The following PCYOX1L variants were observed in gnomAD, a reference collection of about 807,000 sequenced individuals.
PCYOX1L encodes prenylcysteine oxidase 1-like.
A neutral mutation model predicts 44.1 loss-of-function variants in PCYOX1L; 40 were observed. That is an observed-to-expected ratio of 0.91 (90% CI 0.70 to 1.18). The LOEUF is 1.18. Ranked by LOEUF, PCYOX1L falls within the 50% of genes most tolerant of loss-of-function variation. The probability of loss-of-function intolerance (pLI) is 0.00; values close to 1 mark genes in which losing one functional copy is unlikely to be tolerated. For synonymous variants in PCYOX1L, 266 were observed against 282.8 expected (o/e 0.94, Z 0.60); for missense variants, 605 against 653.3 (o/e 0.93, Z 0.81).
intron 3 of PCYOX1L, 37 bp downstream of exon 3, chr5:149,364,247 G>A: frequency 6.2e-7 from 1 of 1,610,376 alleles, no homozygotes. Flanking sequence ...GCGTTCCAGG[G>A]GAACCGAGAA....
At chr5:149,360,964 A>G (rs888731872) in intron 1 of PCYOX1L, among the ~76,000 whole-genome samples, 1 of 152,238 alleles carries the variant, frequency 6.6e-6, no homozygotes, top group Non-Finnish European at 1.5e-5. Flanking sequence ...CACCAGATTT[A>G]TTTAATTTTC....
At chr5:149,363,989 C>T in intron 2 of PCYOX1L, 47 bp from the exon 3 acceptor site, 2 of 1,599,160 alleles carry the variant, frequency 1.3e-6, no homozygotes, top group South Asian at 1.1e-5. Context: ...ATCAAGAGGG[C>T]CCCAAGTCTT....
At chr5:149,363,295 G>A (rs1174754837) in intron 2 of PCYOX1L, 1 of 353,708 alleles carries the variant, frequency 2.8e-6, no homozygotes, top group Admixed American at 3.8e-5. Context: ...AAACCCAGCA[G>A]CATCTGTCCA....
At position 149,368,707 on chromosome 5, in the gene PCYOX1L, C is replaced by T. The variant is rs1230151602; in HGVS notation, c.*53C>T. 4 of 1,473,780 alleles carry T rather than the reference C, an allele frequency of 2.7e-6. No individual in the cohort carries two copies. Among genetic ancestry groups the T allele is most frequent in the Non-Finnish European group, 1.8e-6 (2 of 1,111,068 alleles). 91.3% of individuals were successfully genotyped at this position (1,473,780 alleles called of 1,614,324 possible). A position where few individuals can be genotyped will look rare whatever the true frequency, so the allele number is the denominator to read the frequency against. On this transcript the variant is annotated 3_prime_UTR_variant, in exon 6 of 6. Coordinates refer to ENST00000274569, the MANE Select transcript of PCYOX1L (RefSeq NM_024028.4). The stretch of plus-strand genomic sequence containing the variant: ...CATCCCCCACTGAAGATGGATCATC[C>T]CACAGCAGCCCAGGACTGAATAAGC...
At position 149,368,973 on chromosome 5, in the gene PCYOX1L, C is replaced by G; in HGVS notation, c.*319C>G. ...TTCTTAGCTAGAAACCAGAAGACTA[C>G]GGGAGGGAATATAAGGCAGAGAACT... On this transcript the variant is annotated 3_prime_UTR_variant, in exon 6 of 6. Coordinates refer to ENST00000274569, the MANE Select transcript of PCYOX1L (RefSeq NM_024028.4). 4.5e-6 allele frequency: 1 copy of G among 222,522 alleles called. No homozygotes were observed. The highest frequency in any genetic ancestry group is 8.7e-6 in the Non-Finnish European group (1 of 114,928). 13.8% of individuals were successfully genotyped at this position (222,522 alleles called of 1,614,324 possible). A position where few individuals can be genotyped will look rare whatever the true frequency, so the allele number is the denominator to read the frequency against.
chr5:149,364,413 T>C, intron 3 of PCYOX1L: 1 of 580,426 alleles, frequency 1.7e-6, no homozygotes, highest in East Asian at 2.9e-5. Context: ...TATTGTCACA[T>C]TGACTCTCAT....
chr5:149,362,377 T>C, intron 1 of PCYOX1L: 1 of 504,754 alleles, frequency 2.0e-6, no homozygotes, highest in East Asian at 3.5e-5. Context: ...ACTTTCAGTA[T>C]TCTTTGCTGG....
intron 1 of PCYOX1L, among the ~76,000 whole-genome samples, chr5:149,358,574 C>G (rs1757919640): frequency 6.6e-6 from 1 of 152,084 alleles, no homozygotes; most frequent in Non-Finnish European, 1.5e-5. Context: ...CCTCACAGTA[C>G]AGGGAAGTCC....
intron 2 of PCYOX1L, chr5:149,363,367 C>T (rs1758077173): frequency 6.4e-6 from 2 of 313,042 alleles, no homozygotes; most frequent in Admixed American, 4.2e-5. Context: ...GGTGGTCTTA[C>T]AGATGTGCAA....
intron 5 of PCYOX1L, among the ~76,000 whole-genome samples, 162 bp from the exon 6 acceptor site, chr5:149,367,831 T>C (rs900953971): frequency 6.6e-5 from 10 of 152,168 alleles, no homozygotes; most frequent in Non-Finnish European, 1.5e-4. Flanking sequence ...CCTTGCTTCT[T>C]CTGCAGCCGC....
chr5:149,359,827 G>T (rs1757958041), intron 1 of PCYOX1L, among the ~76,000 whole-genome samples: 1 of 152,212 alleles, frequency 6.6e-6, no homozygotes, highest in South Asian at 2.1e-4. Flanking sequence ...TTCATCCTTG[G>T]TGGTTTGGAC....
Position 149,362,776 on chromosome 5 carries a change from CTA to C in PCYOX1L, c.230_231del (p.Tyr77Ter). 6 of 1,614,172 alleles carry C rather than the reference CTA, an allele frequency of 3.7e-6. No individual in the cohort carries two copies. Among genetic ancestry groups the C allele is most frequent in the Non-Finnish European group, 5.1e-6 (6 of 1,180,038 alleles). Reference sequence around the variant, plus strand: ...CCACCATCTCAGTCAACAAGCAGCACTATGAGAGCGGGGCTGCCTCCTTCCAC... The same window carrying C: ...CCACCATCTCAGTCAACAAGCAGCACTGAGAGCGGGGCTGCCTCCTTCCAC... ...LATISVNKQH[Y>X]ESGAASFHSL... On this transcript the variant is annotated frameshift_variant, in exon 2 of 6. Coordinates refer to ENST00000274569, the MANE Select transcript of PCYOX1L (RefSeq NM_024028.4). LOFTEE classifies it high-confidence loss of function.
At chr5:149,360,736 C>T (rs550603373) in intron 1 of PCYOX1L, among the ~76,000 whole-genome samples, 9 of 152,254 alleles carry the variant, frequency 5.9e-5, no homozygotes, top group African/African-American at 1.4e-4. Flanking sequence ...GGGAACAGCT[C>T]GGACAAAGGC....
intron 1 of PCYOX1L, among the ~76,000 whole-genome samples, chr5:149,360,044 G>A (rs530736429): frequency 3.5e-4 from 53 of 152,338 alleles, no homozygotes; most frequent in African/African-American, 1.3e-3. Flanking sequence ...CATCTTGCAT[G>A]AAATCTTATT....
chr5:149,367,551 CA>C (rs1336104481), intron 5 of PCYOX1L, 51 bp downstream of exon 5: 1 of 1,600,542 alleles, frequency 6.2e-7, no homozygotes, highest in Admixed American at 1.8e-5. Context: ...AGCCAGTGGA[CA>C]GACACTTCTG....
At position 149,367,463 on chromosome 5, in the gene PCYOX1L, C is replaced by T. The variant is rs759201042; in HGVS notation, c.786C>T (p.Ile262=). 6.2e-7 allele frequency: 1 copy of T among 1,613,832 alleles called. No individual in the cohort carries two copies. Among genetic ancestry groups the T allele is most frequent in the Non-Finnish European group, 8.5e-7 (1 of 1,179,922 alleles). ...TGAAGCTCACCAAGGCCAATGTGAT[C>T]CATGCCACAGTGACCTCTGTGACCC... ...GLLKLTKANV[I]HATVTSVTLH... is the part of the protein sequence containing the mutation. The change falls in exon 5 of 6, where the codon ATC becomes ATT. Residue 262 remains isoleucine (I), a synonymous_variant. Transcript: ENST00000274569.
chr5:149,364,350 C>G (rs1362379489), intron 3 of PCYOX1L, 140 bp downstream of exon 3: 3 of 1,021,362 alleles, frequency 2.9e-6, no homozygotes, highest in East Asian at 5.2e-5. Flanking sequence ...AGGCTCAGAG[C>G]AAGCCCCTGG....
intron 1 of PCYOX1L, among the ~76,000 whole-genome samples, chr5:149,359,398 T>TC (rs1464562371): frequency 6.6e-6 from 1 of 152,186 alleles, no homozygotes; most frequent in African/African-American, 2.4e-5. Context: ...AAGAGAATCC[T>TC]GAGGCTAGAG....
At chr5:149,366,360 G>T (rs1050915778) in intron 4 of PCYOX1L, among the ~76,000 whole-genome samples, 1 of 152,242 alleles carries the variant, frequency 6.6e-6, no homozygotes. Context: ...TGAAAGCAAG[G>T]CTCAGATCAC....
Sources: allele counts gnomAD v4.1 joint callset (sites outside exome capture counted in the v4.1 genomes callset), GRCh38; gene constraint gnomAD v4.1.1; transcripts MANE v1.5; gene names NCBI Gene and HGNC (gene_info 2026-07-23, HGNC 2026-07-21).